Variants in OVCH1 observed in about 807,000 individuals in gnomAD.
The protein encoded by OVCH1 is ovochymase-1.
A neutral mutation model predicts 138.4 loss-of-function variants in OVCH1; 139 were observed. The ratio of observed to expected loss-of-function variants is 1.00; its 90% confidence interval spans 0.87 to 1.16. OVCH1 has a LOEUF of 1.16. Among genes scored for constraint, OVCH1 ranks in the 50% most tolerant of loss-of-function variants. OVCH1 has a pLI of 0.00. For synonymous variants in OVCH1, 453 were observed against 467.8 expected, an observed-to-expected ratio of 0.97 and a Z score of 0.41; for missense variants, 1,367 against 1,357.9, an observed-to-expected ratio of 1.01 and a Z score of -0.11.
chr12:29,423,851 C>G (rs78000857), downstream of OVCH1, among the ~76,000 whole-genome samples: 68 of 152,228 alleles, frequency 4.5e-4, no homozygotes, highest in East Asian at 0.01. Context: ...GCAGCTCTAT[C>G]TGGTGGAATG....
intron 18 of OVCH1, chr12:29,464,280 T>G (rs1290849732): frequency 5.3e-6 from 3 of 570,720 alleles, no homozygotes; most frequent in Non-Finnish European, 9.3e-6. Flanking sequence ...CAGTAAAGGT[T>G]TGTTGACTGC....
At chr12:29,496,737 G>C (rs1382684220) in intron 1 of OVCH1, 63 bp from the exon 2 acceptor site, 14 of 1,295,812 alleles carry the variant, frequency 1.1e-5, no homozygotes, top group Non-Finnish European at 1.4e-5. Context: ...ACTTTACCAA[G>C]ATTTCCCATT....
intron 13 of OVCH1, among the ~76,000 whole-genome samples, 164 bp from the exon 14 acceptor site, chr12:29,475,353 A>G (rs1475288900): frequency 6.6e-6 from 1 of 152,194 alleles, no homozygotes; most frequent in African/African-American, 2.4e-5. Context: ...TAGTTTCACA[A>G]TAACAATGCG....
chr12:29,449,582 C>T (rs1295225798), intron 22 of OVCH1, among the ~76,000 whole-genome samples: 1 of 152,100 alleles, frequency 6.6e-6, no homozygotes, highest in Non-Finnish European at 1.5e-5. Flanking sequence ...CTTCACATCC[C>T]TTGTAACTTG....
In OVCH1 at chr12:29,477,552, C is replaced by A. The variant is rs1942784585; in HGVS notation, c.1096G>T (p.Gly366Ter). The change falls in exon 10 of 28, where the codon GGA becomes TGA. Residue 366 changes from glycine to a stop codon, truncating the protein, a stop_gained. Transcript: ENST00000318184. LOFTEE classifies it high-confidence loss of function. ...AAACTTACACGTTTGTTTTGTTTTC[C>A]ATCGTCTTCCATGAGAGATCTCTGA... 6.2e-7 allele frequency: 1 copy of A among 1,613,704 alleles called. No individual in the cohort carries two copies. Among genetic ancestry groups the A allele is most frequent in the Admixed American group, 1.7e-5 (1 of 59,924 alleles).
chr12:29,447,306 A>C (rs936201710), intron 22 of OVCH1, among the ~76,000 whole-genome samples: 7 of 152,118 alleles, frequency 4.6e-5, no homozygotes, highest in Non-Finnish European at 1.0e-4. Flanking sequence ...AACAAACAAA[A>C]AAATAAAAGC....
chr12:29,477,067 T>G, intron 12 of OVCH1, 35 bp downstream of exon 12: 1 of 1,536,076 alleles, frequency 6.5e-7, no homozygotes, highest in South Asian at 1.3e-5. Flanking sequence ...GTAACTCTAT[T>G]CTTTATGAGG....
intron 21 of OVCH1, among the ~76,000 whole-genome samples, chr12:29,452,278 G>C: frequency 6.6e-6 from 1 of 152,120 alleles, no homozygotes; most frequent in South Asian, 2.1e-4. Flanking sequence ...CTCTGCCCTA[G>C]AGAAATTAAT....
chr12:29,456,862 A>G (rs1203485108), intron 19 of OVCH1, among the ~76,000 whole-genome samples: 3 of 152,216 alleles, frequency 2.0e-5, no homozygotes, highest in African/African-American at 7.2e-5. Flanking sequence ...GCCTTAATAC[A>G]TAGGATTTTC....
At chr12:29,462,629 T>G (rs1942177646) in intron 18 of OVCH1, among the ~76,000 whole-genome samples, 1 of 152,130 alleles carries the variant, frequency 6.6e-6, no homozygotes, top group Non-Finnish European at 1.5e-5. Flanking sequence ...TTTAATATTT[T>G]ATAGCCCTAT....
At chr12:29,423,088 A>G (rs1941127319), downstream of OVCH1, 4 of 377,996 alleles carry the variant, frequency 1.1e-5, no homozygotes, top group Non-Finnish European at 2.1e-5. Flanking sequence ...AAGCTTATGC[A>G]GTATCTGCTT....
At chr12:29,409,919 C>A (rs1319602266), downstream of OVCH1, among the ~76,000 whole-genome samples, 1 of 152,038 alleles carries the variant, frequency 6.6e-6, no homozygotes, top group African/African-American at 2.4e-5. Flanking sequence ...GTTAAAGTCT[C>A]CCATTATTGG....
At chr12:29,405,270 G>C in the OVCH1 span, among the ~76,000 whole-genome samples, 1 of 151,838 alleles carries the variant, frequency 6.6e-6, no homozygotes, top group Non-Finnish European at 1.5e-5. Flanking sequence ...ACCTCTTTAT[G>C]AATCAGCAAA....
Position 29,454,846 on chromosome 12 carries a change from C to T in OVCH1, c.2525G>A (p.Trp842Ter), listed in dbSNP as rs184755324. The change falls in exon 21 of 28, where the codon TGG (tryptophan) becomes TAG (stop). Residue 842 changes from tryptophan to a stop codon, truncating the protein, a stop_gained. Transcript: ENST00000318184. LOFTEE classifies it high-confidence loss of function. ...ATAATGTAAACATTTATTACCTGGC[C>T]AAGATGCACTGTCTGGTGAAGGTGT... 1.7e-5 allele frequency: 27 copies of T among 1,606,342 alleles called. No homozygotes were observed. The Admixed American group carries it at 3.5e-4, about 21-fold the overall frequency.
intron 27 of OVCH1, among the ~76,000 whole-genome samples, chr12:29,430,476 G>A (rs935180352): frequency 9.2e-5 from 14 of 152,188 alleles, no homozygotes; most frequent in Non-Finnish European, 1.9e-4. Context: ...CCTTGGCCAG[G>A]TCTTGCTACA....
At chr12:29,491,621 A>T (rs1391760605) in intron 4 of OVCH1, among the ~76,000 whole-genome samples, 1 of 152,080 alleles carries the variant, frequency 6.6e-6, no homozygotes, top group Admixed American at 6.6e-5. Context: ...CTTAGAAAAA[A>T]TATGGATAAT....
At position 29,484,058 on chromosome 12, in the gene OVCH1, A is replaced by T. The variant is rs76238988; in HGVS notation, c.995+2188T>A. Among the ~76,000 whole-genome samples the T allele has an allele frequency of 4.6e-3, 697 of 152,340 alleles. 5 individuals are homozygous for T. Among genetic ancestry groups the T allele is most frequent in the African/African-American group, 0.016 (665 of 41,574 alleles). On this transcript the variant is annotated intron_variant, in intron 8 of 27. Coordinates refer to ENST00000318184, the Ensembl canonical transcript of OVCH1. ...TGTAGAACTGTTATCTTTGTAGTAC[A>T]CTATTCAAGTCTCAGTACGATTTTA...
chr12:29,492,239 G>A (rs1943292013), intron 4 of OVCH1, among the ~76,000 whole-genome samples: 1 of 151,958 alleles, frequency 6.6e-6, no homozygotes, highest in Non-Finnish European at 1.5e-5. Context: ...GTCATTTGAT[G>A]AAGAAACAAT....
chr12:29,454,574 A>G (rs1332294188), intron 21 of OVCH1, among the ~76,000 whole-genome samples: 1 of 152,192 alleles, frequency 6.6e-6, no homozygotes, highest in Non-Finnish European at 1.5e-5. Context: ...CAGAGCTTAA[A>G]ATAATTCTAT....
Sources: gnomAD v4.1 joint callset for allele counts (sites outside exome capture counted in the v4.1 genomes callset) on GRCh38, gnomAD v4.1.1 for gene constraint, MANE v1.5 for transcripts, NCBI Gene and HGNC (gene_info 2026-07-23, HGNC 2026-07-21) for gene names.